Variants in EYS observed in about 807,000 individuals in gnomAD.
EYS encodes EGF-like photoreceptor maintenance factor, also known as protein eyes shut homolog.
Under a neutral mutation model 282.1 loss-of-function variants are expected in EYS, and 250 were observed. That is an observed-to-expected ratio of 0.89 (90% CI 0.80 to 0.98). The LOEUF is 0.98. EYS is among the 50% of genes least tolerant of loss of function. The probability of loss-of-function intolerance (pLI) is 0.00; values close to 1 mark genes in which losing one functional copy is unlikely to be tolerated. For synonymous variants in EYS, 1,355 were observed against 1,282.9 expected, an observed-to-expected ratio of 1.06 and a Z score of -1.20; for missense variants, 4,016 against 3,709.0, an observed-to-expected ratio of 1.08 and a Z score of -2.15.
At chr6:64,836,582 C>A (rs1372711393) in intron 19 of EYS, among the ~76,000 whole-genome samples, 1 of 151,348 alleles carries the variant, frequency 6.6e-6, no homozygotes, top group African/African-American at 2.4e-5. Flanking sequence ...AATAGTGAAG[C>A]ATAATTTTAC....
intron 35 of EYS, among the ~76,000 whole-genome samples, chr6:63,884,129 C>T (rs1773202145): frequency 6.6e-6 from 1 of 152,096 alleles, no homozygotes; most frequent in South Asian, 2.1e-4. Context: ...ATATAATGGT[C>T]ATGCAGTAAA....
chr6:65,692,678 T>A (rs968513869), intron 1 of EYS, among the ~76,000 whole-genome samples: 1 of 149,972 alleles, frequency 6.7e-6, no homozygotes, highest in African/African-American at 2.4e-5. Context: ...AAACATATAA[T>A]TTTTTTGGTT....
intron 18 of EYS, among the ~76,000 whole-genome samples, chr6:64,896,205 G>A (rs1038138973): frequency 2.6e-5 from 4 of 152,142 alleles, no homozygotes; most frequent in Non-Finnish European, 5.9e-5. Flanking sequence ...CAGAAGGCAG[G>A]TGATTTCTGC....
chr6:64,535,169 TC>T (rs1377101625), intron 26 of EYS, among the ~76,000 whole-genome samples: 4 of 152,142 alleles, frequency 2.6e-5, no homozygotes, highest in African/African-American at 9.7e-5. Context: ...ACTCACCAAC[TC>T]CCAAATTCTC....
At chr6:65,115,214 T>C (rs1489943745) in intron 12 of EYS, among the ~76,000 whole-genome samples, 5 of 152,082 alleles carry the variant, frequency 3.3e-5, no homozygotes, top group Admixed American at 1.3e-4. Context: ...TTTTAAATTA[T>C]GAAATGAATT....
chr6:65,037,615 T>C (rs1316123519), intron 13 of EYS, among the ~76,000 whole-genome samples: 1 of 151,816 alleles, frequency 6.6e-6, no homozygotes, highest in Non-Finnish European at 1.5e-5. Flanking sequence ...ACCTATAACA[T>C]ACAAAATACA....
At chr6:64,208,518 A>G (rs1738445464) in intron 31 of EYS, among the ~76,000 whole-genome samples, 1 of 152,076 alleles carries the variant, frequency 6.6e-6, no homozygotes, top group Non-Finnish European at 1.5e-5. Context: ...AAACAAAATA[A>G]CGGTATATTA....
Position 64,638,007 on chromosome 6 carries a change from A to G in EYS, c.3444-11762T>C, listed in dbSNP as rs1188522906. On this transcript the variant is annotated intron_variant, in intron 22 of 42. Transcript: ENST00000503581. ...GAGAATGAATACAACTCCACCAGGC[A>G]CCCTGATGGACCAAACCCAACACAA... Among the ~76,000 whole-genome samples, 2 of 90,768 alleles carry G rather than the reference A, an allele frequency of 2.2e-5. 1 individual carries two copies. Among genetic ancestry groups the G allele is most frequent in the Non-Finnish European group, 4.8e-5 (2 of 42,064 alleles). The allele number at this position is 90,768 out of a possible 152,430, so 59.5% of individuals were successfully genotyped here.
chr6:65,444,343 G>C (rs1259228610), intron 5 of EYS, among the ~76,000 whole-genome samples: 1 of 152,014 alleles, frequency 6.6e-6, no homozygotes, highest in Non-Finnish European at 1.5e-5. Context: ...AGTACAGGAT[G>C]GGACTCAAAG....
intron 5 of EYS, among the ~76,000 whole-genome samples, chr6:65,446,927 A>G (rs1768684234): frequency 6.6e-6 from 1 of 151,796 alleles, no homozygotes; most frequent in Non-Finnish European, 1.5e-5. Context: ...AGCCATTCTA[A>G]TAATTTATAC....
intron 26 of EYS, among the ~76,000 whole-genome samples, chr6:64,452,001 C>T (rs1227490997): frequency 6.6e-6 from 1 of 152,138 alleles, no homozygotes; most frequent in Non-Finnish European, 1.5e-5. Context: ...GTTGGAAGTT[C>T]TGGCCAGGGC....
chr6:64,376,543 A>T (rs1772566022), intron 29 of EYS, among the ~76,000 whole-genome samples: 1 of 152,178 alleles, frequency 6.6e-6, no homozygotes, highest in Non-Finnish European at 1.5e-5. Context: ...TCTACAAGGT[A>T]TGTGAGGGGC....
Position 64,912,630 on chromosome 6 carries a change from T to C in EYS, c.2495A>G (p.Gln832Arg), listed in dbSNP as rs1459583624. The C allele has an allele frequency of 1.2e-5, 18 of 1,550,574 alleles. No individual in the cohort carries two copies. The highest frequency in any genetic ancestry group is 1.3e-5 in the Non-Finnish European group (15 of 1,146,348). The change falls in exon 16 of 43, where the codon CAA becomes CGA. Residue 832 changes from glutamine (Q) to arginine (R), a missense_variant. Physicochemically the swap from Gln to Arg is conservative, Grantham distance 43. Transcript: ENST00000503581. ...AAGGGGTGGGCACAGACATACAAAT[T>C]GTCCAGGGATGGTAGATTCATGACA... The part of the protein sequence containing the change: ...GLCHESTIPG[Q>R]FVCLCPPLYT...
chr6:64,580,973 G>A (rs1227093946), intron 26 of EYS, among the ~76,000 whole-genome samples: 4 of 152,118 alleles, frequency 2.6e-5, no homozygotes, highest in African/African-American at 7.2e-5. Context: ...GGTAGGGAGA[G>A]AGATGAAGAT....
intron 12 of EYS, among the ~76,000 whole-genome samples, chr6:65,261,724 A>G (rs1312281843): frequency 6.6e-6 from 1 of 152,030 alleles, no homozygotes; most frequent in Non-Finnish European, 1.5e-5. Flanking sequence ...CTTCAATCAT[A>G]AGTGGTATGT....
intron 2 of EYS, among the ~76,000 whole-genome samples, chr6:65,567,346 G>A (rs1764306825): frequency 6.7e-6 from 1 of 149,952 alleles, no homozygotes; most frequent in African/African-American, 2.4e-5. Flanking sequence ...TTTCTAAAAT[G>A]GTGACCAAAA....
chr6:65,594,195 T>C (rs1373992848), intron 2 of EYS, among the ~76,000 whole-genome samples: 2 of 152,052 alleles, frequency 1.3e-5, no homozygotes, highest in Non-Finnish European at 2.9e-5. Context: ...TGCTAAGAAC[T>C]TTACATAGTT....
At chr6:64,791,828 T>A (rs915890393) in intron 22 of EYS, among the ~76,000 whole-genome samples, 1 of 151,924 alleles carries the variant, frequency 6.6e-6, no homozygotes, top group Admixed American at 6.6e-5. Context: ...TCATTTAAAT[T>A]AGAATATACA....
At chr6:64,447,517 T>G (rs1414075526) in intron 26 of EYS, among the ~76,000 whole-genome samples, 1 of 152,142 alleles carries the variant, frequency 6.6e-6, no homozygotes, top group East Asian at 1.9e-4. Context: ...TCAAAATAAG[T>G]TATGAAATAT....
Sources: gnomAD v4.1 joint callset for allele counts (sites outside exome capture counted in the v4.1 genomes callset) on GRCh38, gnomAD v4.1.1 for gene constraint, MANE v1.5 for transcripts, NCBI Gene and HGNC (gene_info 2026-07-23, HGNC 2026-07-21) for gene names.